The following FMNL2 variants were observed in gnomAD, a reference collection of about 807,000 sequenced individuals.
FMNL2 encodes the protein formin-like protein 2.
In FMNL2, 51 loss-of-function variants were observed where a neutral mutation model predicts 130.2. The observed-to-expected ratio is 0.39, with a 90% CI of 0.31 to 0.49. The LOEUF (loss-of-function observed/expected upper bound fraction) is 0.49. Among genes scored for constraint, FMNL2 ranks in the 20% least tolerant of loss-of-function variants. The pLI is 0.85. For synonymous variants in FMNL2, 465 were observed against 467.1 expected (o/e 1.00, Z 0.06); for missense variants, 977 against 1,316.2 (o/e 0.74, Z 3.99).
At chr2:152,494,330 T>C (rs1691377621) in intron 1 of FMNL2, among the ~76,000 whole-genome samples, 1 of 152,234 alleles carries the variant, frequency 6.6e-6, no homozygotes, top group Admixed American at 6.5e-5. Flanking sequence ...CACATATCTT[T>C]TCAGTAACTT....
At chr2:152,607,465 C>T (rs1169365083) in intron 10 of FMNL2, 52 bp downstream of exon 10, 22 of 951,272 alleles carry the variant, frequency 2.3e-5, no homozygotes, top group Non-Finnish European at 2.5e-5. Context: ...TACTTTTTTT[C>T]TAAATACACA....
rs376254390 is a variant in FMNL2 at position 152,637,570 on chromosome 2, C to T, written c.2845-3C>T. On this transcript the variant is annotated splice_polypyrimidine_tract_variant and splice_region_variant and intron_variant, in intron 22 of 25. Transcript: ENST00000288670. ...AACTCAAGAAAAATTTGCTTCTTCA[C>T]AGGATGCCTTTGATGATGTTGTGAA... The T allele has an allele frequency of 2.2e-5, 36 of 1,613,706 alleles. No homozygotes were observed. The highest frequency in any genetic ancestry group is 2.9e-5 in the Non-Finnish European group (34 of 1,179,706).
At chr2:152,515,192 G>A (rs1436068262) in intron 1 of FMNL2, among the ~76,000 whole-genome samples, 2 of 152,018 alleles carry the variant, frequency 1.3e-5, no homozygotes, top group East Asian at 1.9e-4. Flanking sequence ...TCTACTTTCC[G>A]TAGCAAAAAG....
At position 152,335,358 on chromosome 2, in the gene FMNL2, C is replaced by T. The variant is rs938778354; in HGVS notation, c.-246C>T. The T allele has an allele frequency of 1.2e-4, 29 of 241,520 alleles. No homozygotes were observed. Among genetic ancestry groups the T allele is most frequent in the Non-Finnish European group, 1.7e-4 (22 of 128,066 alleles). 15.0% of individuals were successfully genotyped at this position (241,520 alleles called of 1,614,324 possible). A position where few individuals can be genotyped will look rare whatever the true frequency, so the allele number is the denominator to read the frequency against. ...CATAGGCGCCCAGCGCCCCAACTAC[C>T]CCTCCCGAGGAAAAGAGGCCGGGGC... is the stretch of plus-strand genomic sequence containing the variant. On this transcript the variant is annotated 5_prime_UTR_variant, in exon 1 of 26. Coordinates refer to ENST00000288670, the MANE Select transcript of FMNL2 (RefSeq NM_052905.4).
At chr2:152,501,131 T>G (rs541506397) in intron 1 of FMNL2, among the ~76,000 whole-genome samples, 50 of 152,370 alleles carry the variant, frequency 3.3e-4, no homozygotes, top group African/African-American at 1.1e-3. Context: ...AAACAATTCT[T>G]TGTGCCCTTA....
At chr2:152,339,030 G>C (rs970766104) in intron 1 of FMNL2, among the ~76,000 whole-genome samples, 5 of 152,112 alleles carry the variant, frequency 3.3e-5, no homozygotes, top group African/African-American at 1.2e-4. Flanking sequence ...TGTGTTTTTT[G>C]GGGGTTCTTC....
intron 1 of FMNL2, among the ~76,000 whole-genome samples, chr2:152,342,675 A>G (rs1681879006): frequency 6.6e-6 from 1 of 152,180 alleles, no homozygotes; most frequent in South Asian, 2.1e-4. Context: ...TCCTTTCCAG[A>G]AACCTGTCTT....
At chr2:152,533,689 G>A (rs13409889) in intron 2 of FMNL2, among the ~76,000 whole-genome samples, 1 of 151,488 alleles carries the variant, frequency 6.6e-6, no homozygotes, top group East Asian at 1.9e-4. Context: ...TGGCTCTGTA[G>A]ATCAATTTCA....
rs913918119 is a variant in FMNL2, at chr2:152,358,655, G to C, written c.117+22935G>C. ...GCATCTCAAAAAAAAAAAAAATTCT[G>C]TGAATAAACTTCCTTCATGTATACA... On this transcript the variant is annotated intron_variant, in intron 1 of 25. Transcript: ENST00000288670. Among the ~76,000 whole-genome samples, 19 of 150,344 alleles carry C rather than the reference G, an allele frequency of 1.3e-4. No individual in the cohort carries two copies. In the Middle Eastern group the frequency reaches 0.01, roughly 81 times the overall value.
intron 1 of FMNL2, among the ~76,000 whole-genome samples, chr2:152,410,060 G>A (rs1479676222): frequency 1.3e-5 from 2 of 152,164 alleles, no homozygotes; most frequent in East Asian, 3.9e-4. Flanking sequence ...GAACAATACA[G>A]TTCTGTCTCG....
intron 25 of FMNL2, among the ~76,000 whole-genome samples, chr2:152,642,104 A>C (rs529138392): frequency 3.9e-5 from 6 of 151,984 alleles, no homozygotes; most frequent in Admixed American, 2.6e-4. Flanking sequence ...CCACGCCTGG[A>C]TAATTTTTTG....
intron 1 of FMNL2, among the ~76,000 whole-genome samples, chr2:152,445,400 A>G (rs13386403): frequency 0.088 from 13,402 of 152,236 alleles, 857 homozygotes; most frequent in East Asian, 0.24. Context: ...TTCAGTTTAA[A>G]TGTCCTAGAC....
intron 1 of FMNL2, among the ~76,000 whole-genome samples, chr2:152,444,448 A>G (rs1164715799): frequency 6.6e-6 from 1 of 152,234 alleles, no homozygotes; most frequent in Non-Finnish European, 1.5e-5. Flanking sequence ...GGTGCCACAT[A>G]GCCTTAATTT....
chr2:152,459,049 A>T (rs887216878), intron 1 of FMNL2, among the ~76,000 whole-genome samples: 1 of 152,156 alleles, frequency 6.6e-6, no homozygotes, highest in Admixed American at 6.5e-5. Context: ...ATTGGTAATA[A>T]CCATTGTAAT....
intron 1 of FMNL2, among the ~76,000 whole-genome samples, chr2:152,426,897 T>C (rs1211119271): frequency 6.6e-6 from 1 of 152,092 alleles, no homozygotes; most frequent in Non-Finnish European, 1.5e-5. Flanking sequence ...AAGTAAATTT[T>C]AAGCACAACT....
At chr2:152,471,602 G>A (rs1689863459) in intron 1 of FMNL2, among the ~76,000 whole-genome samples, 1 of 152,170 alleles carries the variant, frequency 6.6e-6, no homozygotes, top group African/African-American at 2.4e-5. Context: ...CAGAACTGGA[G>A]CCAACATTTG....
At chr2:152,614,379 C>G (rs1698835535) in intron 11 of FMNL2, among the ~76,000 whole-genome samples, 1 of 152,222 alleles carries the variant, frequency 6.6e-6, no homozygotes, top group South Asian at 2.1e-4. Context: ...TAGGCAGTCA[C>G]TCCATAATTC....
intron 1 of FMNL2, among the ~76,000 whole-genome samples, chr2:152,491,574 TTG>T (rs1466091145): frequency 1.3e-5 from 2 of 152,270 alleles, no homozygotes; most frequent in East Asian, 3.8e-4. Context: ...TTTGCCTTTT[TTG>T]TCTCTTTCCT....
intron 1 of FMNL2, among the ~76,000 whole-genome samples, chr2:152,409,972 A>T (rs1279857887): frequency 2.0e-5 from 3 of 152,158 alleles, no homozygotes; most frequent in Non-Finnish European, 4.4e-5. Flanking sequence ...AGGTGTGTGA[A>T]CTCGAGACAA....
Sources: gnomAD v4.1 joint callset for allele counts (sites outside exome capture counted in the v4.1 genomes callset) on GRCh38, gnomAD v4.1.1 for gene constraint, MANE v1.5 for transcripts, NCBI Gene and HGNC (gene_info 2026-07-23, HGNC 2026-07-21) for gene names.